The following TNRC6A variants were observed in gnomAD, a reference collection of about 807,000 sequenced individuals.
TNRC6A encodes the protein trinucleotide repeat-containing gene 6A protein.
A neutral mutation model predicts 221.2 loss-of-function variants in TNRC6A; 44 were observed. The observed-to-expected ratio is 0.20, with a 90% CI of 0.16 to 0.26. The LOEUF (loss-of-function observed/expected upper bound fraction) is 0.26, where lower values mean the gene tolerates loss of function less well. Ranked by LOEUF, TNRC6A falls within the 10% of genes least tolerant of loss-of-function variation. TNRC6A has a pLI of 1.00. For missense variants in TNRC6A, 2,199 were observed against 2,404.4 expected, an observed-to-expected ratio of 0.91 and a Z score of 1.79; for synonymous variants, 847 against 838.5, an observed-to-expected ratio of 1.01 and a Z score of -0.18.
intron 2 of TNRC6A, among the ~76,000 whole-genome samples, chr16:24,738,820 GGGTTATA>G (rs1451834476): frequency 4.6e-5 from 7 of 152,122 alleles, no homozygotes; most frequent in Admixed American, 1.3e-4. Context: ...TGGAATTGCT[GGGTTATA>G]TGGTAACTTT....
At chr16:24,763,141 C>T (rs989965657) in intron 4 of TNRC6A, among the ~76,000 whole-genome samples, 1 of 152,152 alleles carries the variant, frequency 6.6e-6, no homozygotes, top group Non-Finnish European at 1.5e-5. Context: ...GCAGCTGATT[C>T]TAAAATCTCC....
intron 2 of TNRC6A, among the ~76,000 whole-genome samples, chr16:24,691,111 C>T (rs1026485422): frequency 4.6e-5 from 7 of 151,988 alleles, no homozygotes; most frequent in African/African-American, 1.4e-4. Flanking sequence ...CACCTGGCCC[C>T]TGATGAAATA....
At chr16:24,706,961 A>T (rs975340876) in intron 2 of TNRC6A, among the ~76,000 whole-genome samples, 1 of 147,740 alleles carries the variant, frequency 6.8e-6, no homozygotes, top group Non-Finnish European at 1.5e-5. Context: ...TAAACGATGT[A>T]TTTATTTATT....
chr16:24,613,454 ATT>A (rs1280638546), intron 1 of TNRC6A, among the ~76,000 whole-genome samples: 40 of 2,894 alleles, frequency 0.014, 1 homozygote, highest in Non-Finnish European at 0.025. Flanking sequence ...ATTTTATTTT[ATT>A]TTATTTTATT....
In TNRC6A at chr16:24,797,881, A is replaced by G. The variant is rs199547096; in HGVS notation, c.3643-34A>G. ...TTTATTTGTTTTCATTGATAAATTA[A>G]GGTCTGCTAACATGCTGCATTTTCT... On this transcript the variant is annotated intron_variant, in intron 10 of 24. Transcript: ENST00000395799. 1,704 of 1,558,728 alleles carry G rather than the reference A, an allele frequency of 1.1e-3. 26 individuals are homozygous for G. The South Asian group carries it at 0.02, about 18-fold the overall frequency.
intron 11 of TNRC6A, among the ~76,000 whole-genome samples, chr16:24,799,114 G>GCTGGCAAAGC (rs2058280144): frequency 1.3e-5 from 2 of 152,188 alleles, no homozygotes; most frequent in Admixed American, 6.5e-5. Context: ...GTGCCTTGTT[G>GCTGGCAAAGC]CTGGCAAAGC....
intron 2 of TNRC6A, among the ~76,000 whole-genome samples, chr16:24,706,558 A>C (rs1274217022): frequency 6.6e-6 from 1 of 151,952 alleles, no homozygotes; most frequent in African/African-American, 2.4e-5. Flanking sequence ...AAAAATACAA[A>C]AAATAAAATT....
chr16:24,753,407 T>G (rs545901014), intron 3 of TNRC6A, among the ~76,000 whole-genome samples: 1 of 152,358 alleles, frequency 6.6e-6, no homozygotes, highest in African/African-American at 2.4e-5. Flanking sequence ...AAAGGAAGGT[T>G]TAATACCTCT....
At position 24,730,136 on chromosome 16, in the gene TNRC6A, TC is replaced by T. The variant is rs201916294; in HGVS notation, c.6-113del. Reference sequence around the variant, plus strand: ...TGTGAGTCCCCCTCCCCCCGTCCTCTCCCCTCCCCCATCCGGCCCCGGCGCG... The same window carrying T: ...TGTGAGTCCCCCTCCCCCCGTCCTCTCCCTCCCCCATCCGGCCCCGGCGCG... On this transcript the variant is annotated intron_variant, in intron 1 of 24. Transcript: ENST00000395799. 1,259 of 469,276 alleles carry T rather than the reference TC, an allele frequency of 2.7e-3. 17 individuals carry two copies. The highest frequency in any genetic ancestry group is 0.026 in the African/African-American group (1,157 of 44,716). The allele number at this position is 469,276 out of a possible 1,614,324, so 29.1% of individuals were successfully genotyped here. A position where few individuals can be genotyped will look rare whatever the true frequency, so the allele number is the denominator to read the frequency against.
In TNRC6A at chr16:24,816,917, A is replaced by T. The variant is rs772448905; in HGVS notation, c.4933A>T (p.Thr1645Ser). 1.2e-6 allele frequency: 2 copies of T among 1,614,112 alleles called. No homozygotes were observed. Among genetic ancestry groups the T allele is most frequent in the Non-Finnish European group, 1.7e-6 (2 of 1,180,026 alleles). The change falls in exon 20 of 25, where the codon ACT becomes TCT. Residue 1645 changes from threonine to serine, a missense_variant. Thr to Ser is a moderately conservative substitution (Grantham distance 58). Coordinates refer to ENST00000395799, the MANE Select transcript of TNRC6A (RefSeq NM_014494.4). ...TGTCATAAACAATCTTTCAATTAATACTGTGCGGGAAGTTGACCACCTCAG... is the reference window on the plus strand; with the variant it reads ...TGTCATAAACAATCTTTCAATTAATTCTGTGCGGGAAGTTGACCACCTCAG... ...GSVINNLSIN[T>S]VREVDHLRDR... is the part of the protein sequence containing the mutation.
At chr16:24,679,089 C>G (rs2055478479) in intron 2 of TNRC6A, among the ~76,000 whole-genome samples, 1 of 151,720 alleles carries the variant, frequency 6.6e-6, no homozygotes. Context: ...ACCTCCGCCT[C>G]CCAGATTGAA....
chr16:24,810,330 T>C (rs1482667388), intron 18 of TNRC6A, among the ~76,000 whole-genome samples: 1 of 152,218 alleles, frequency 6.6e-6, no homozygotes, highest in East Asian at 1.9e-4. Flanking sequence ...CTGGAATACA[T>C]AGACACAATG....
intron 2 of TNRC6A, among the ~76,000 whole-genome samples, chr16:24,652,168 C>T (rs1057202164): frequency 3.3e-5 from 5 of 149,636 alleles, no homozygotes; most frequent in South Asian, 2.1e-4. Flanking sequence ...ATAAGAAGAA[C>T]GCATGTATGT....
chr16:24,759,277 A>C (rs79201016), intron 4 of TNRC6A, among the ~76,000 whole-genome samples: 10,925 of 152,272 alleles, frequency 0.072, 497 homozygotes, highest in Non-Finnish European at 0.11. Context: ...GATAGGGGCC[A>C]GGTCAAAGTG....
intron 1 of TNRC6A, among the ~76,000 whole-genome samples, chr16:24,631,593 A>G (rs1410742639): frequency 6.6e-6 from 1 of 152,020 alleles, no homozygotes. Context: ...CCAACACGGC[A>G]AAACTGCATC....
rs1382148662 is a variant in TNRC6A at position 24,791,306 on chromosome 16, C to T, written c.2664C>T (p.Asn888=). The T allele has an allele frequency of 6.2e-6, 10 of 1,610,762 alleles. No individual in the cohort carries two copies. Among genetic ancestry groups the T allele is most frequent in the Middle Eastern group, 1.6e-4 (1 of 6,062 alleles). The change falls in exon 6 of 25, where the codon AAC becomes AAT. Residue 888 remains asparagine, a synonymous_variant. Transcript: ENST00000395799. ...SDSDRSVSGW[N]ELGKTSSFTW... ...GTGACAGGTCCGTTTCCGGTTGGAA[C>T]GAACTTGGTAAAACTAGTTCTTTCA...
At chr16:24,771,298 C>T (rs2057585749) in intron 4 of TNRC6A, among the ~76,000 whole-genome samples, 1 of 152,108 alleles carries the variant, frequency 6.6e-6, no homozygotes, top group African/African-American at 2.4e-5. Context: ...ACCTTGAGAC[C>T]AAAACATTCG....
chr16:24,701,592 C>T (rs1416758670), intron 2 of TNRC6A, among the ~76,000 whole-genome samples: 1 of 152,122 alleles, frequency 6.6e-6, no homozygotes, highest in Non-Finnish European at 1.5e-5. Context: ...GTCTGAACTC[C>T]TGACCTCAGG....
At chr16:24,822,838 A>G (rs200292089) in intron 23 of TNRC6A, 36 bp from the exon 24 acceptor site, 5 of 1,611,620 alleles carry the variant, frequency 3.1e-6, no homozygotes, top group Admixed American at 3.3e-5. Context: ...GCCCGCGGTG[A>G]CGCCTCTCAC....
Sources: gnomAD v4.1 joint callset for allele counts (sites outside exome capture counted in the v4.1 genomes callset) on GRCh38, gnomAD v4.1.1 for gene constraint, MANE v1.5 for transcripts, NCBI Gene and HGNC (gene_info 2026-07-23, HGNC 2026-07-21) for gene names.